The following KCNK2 variants were observed in gnomAD, a reference collection of about 807,000 sequenced individuals.
KCNK2 encodes potassium channel subfamily K member 2.
In KCNK2, 21 loss-of-function variants were observed where a neutral mutation model predicts 40.5. The ratio of observed to expected loss-of-function variants is 0.52; its 90% CI spans 0.37 to 0.75. The LOEUF (loss-of-function observed/expected upper bound fraction) is 0.75, where lower values mean the gene tolerates loss of function less well. KCNK2 is among the 30% of genes least tolerant of loss of function. The pLI, the probability that KCNK2 is intolerant of heterozygous loss-of-function variation, is 0.00. For missense variants in KCNK2, 399 were observed against 531.6 expected (o/e 0.75, Z 2.45); for synonymous variants, 191 against 202.2 (o/e 0.94, Z 0.47).
At chr1:215,233,413 C>G (rs1666751976) in intron 6 of KCNK2, among the ~76,000 whole-genome samples, 1 of 151,440 alleles carries the variant, frequency 6.6e-6, no homozygotes, top group South Asian at 2.1e-4. Flanking sequence ...ATCCTCCTAT[C>G]CACCTTGGAT....
chr1:215,232,304 G>C (rs1435991484), intron 6 of KCNK2, among the ~76,000 whole-genome samples: 1 of 152,028 alleles, frequency 6.6e-6, no homozygotes, highest in South Asian at 2.1e-4. Flanking sequence ...CATGATAAAA[G>C]GACTAAAATT....
At chr1:215,070,521 G>A (rs752958543) in intron 1 of KCNK2, among the ~76,000 whole-genome samples, 6 of 151,920 alleles carry the variant, frequency 3.9e-5, no homozygotes, top group Non-Finnish European at 5.9e-5. Flanking sequence ...GGTAAATGAG[G>A]AGAAAAGGCA....
chr1:215,017,950 T>A (rs1656650086), intron 1 of KCNK2, among the ~76,000 whole-genome samples: 1 of 152,050 alleles, frequency 6.6e-6, no homozygotes, highest in Non-Finnish European at 1.5e-5. Context: ...TGATAAAGAA[T>A]GAAAAAATAA....
At chr1:215,048,786 G>C (rs923109030) in intron 1 of KCNK2, among the ~76,000 whole-genome samples, 2 of 152,100 alleles carry the variant, frequency 1.3e-5, no homozygotes, top group Admixed American at 6.6e-5. Context: ...CGTCAGCCTG[G>C]GAGAATTCAT....
At chr1:215,121,971 A>C (rs556046895) in intron 2 of KCNK2, among the ~76,000 whole-genome samples, 21 of 152,340 alleles carry the variant, frequency 1.4e-4, no homozygotes, top group African/African-American at 4.3e-4. Flanking sequence ...TGATATCTTC[A>C]TTAATTTTTG....
chr1:215,215,707 C>A (rs746165268), intron 6 of KCNK2, among the ~76,000 whole-genome samples: 20 of 152,162 alleles, frequency 1.3e-4, no homozygotes, highest in Non-Finnish European at 1.0e-4. Flanking sequence ...TTTCCTTTCA[C>A]AATGGAAGAG....
intron 2 of KCNK2, among the ~76,000 whole-genome samples, chr1:215,100,404 G>A (rs1190024946): frequency 6.6e-6 from 1 of 151,932 alleles, no homozygotes; most frequent in Non-Finnish European, 1.5e-5. Context: ...TAGCCATAGA[G>A]AGGCTTACAA....
rs191545045 is a variant in KCNK2, at chr1:215,084,680, T to C, written c.46+1249T>C. Among the ~76,000 whole-genome samples, 8 of 152,338 alleles carry C rather than the reference T, an allele frequency of 5.3e-5. No individual in the cohort carries two copies. The East Asian group carries it at 1.5e-3, about 29-fold the overall frequency. On this transcript the variant is annotated intron_variant, in intron 1 of 6. Coordinates refer to ENST00000444842, the MANE Select transcript of KCNK2 (RefSeq NM_001017425.3). ...TCTTTATAAATATTTTAAAGGTATC[T>C]ACTAGCTTGTGGCTTTATTTGGAAC...
In KCNK2 at chr1:215,123,917, T is replaced by C. The variant is rs534902518; in HGVS notation, c.358-716T>C. On this transcript the variant is annotated intron_variant, in intron 2 of 6. Transcript: ENST00000444842. ...TTGAAGAAGGGATTATAATGTCATC[T>C]TTCTGTCTTTCTCTTAGTACTACTC... Among the ~76,000 whole-genome samples, 24 of 152,326 alleles carry C rather than the reference T, an allele frequency of 1.6e-4. No homozygotes were observed. In the South Asian group the frequency reaches 4.6e-3, roughly 29 times the overall value.
At chr1:215,215,699 T>G (rs1665933136) in intron 6 of KCNK2, among the ~76,000 whole-genome samples, 1 of 152,190 alleles carries the variant, frequency 6.6e-6, no homozygotes, top group African/African-American at 2.4e-5. Context: ...CTCTTTGATT[T>G]CCTTTCACAA....
At position 215,221,157 on chromosome 1, in the gene KCNK2, T is replaced by G. The variant is rs935448058; in HGVS notation, c.964-13671T>G. Reference sequence around the variant, plus strand: ...GGCCAAGGCCAAGGTGGGTGGATCATGAGGTCAGGAGTTTGAGACCAGCCT... The same window carrying G: ...GGCCAAGGCCAAGGTGGGTGGATCAGGAGGTCAGGAGTTTGAGACCAGCCT... On this transcript the variant is annotated intron_variant, in intron 6 of 6. Coordinates refer to ENST00000444842, the MANE Select transcript of KCNK2 (RefSeq NM_001017425.3). Among the ~76,000 whole-genome samples, 9 of 152,334 alleles carry G rather than the reference T, an allele frequency of 5.9e-5. No homozygotes were observed. In the South Asian group the frequency reaches 1.9e-3, roughly 32 times the overall value.
chr1:215,181,875 A>G (rs1330449750), intron 5 of KCNK2, among the ~76,000 whole-genome samples: 1 of 152,192 alleles, frequency 6.6e-6, no homozygotes, highest in Non-Finnish European at 1.5e-5. Flanking sequence ...CACGATAGGC[A>G]GGGCTGGGCT....
chr1:215,166,843 G>A (rs537926640), intron 3 of KCNK2, among the ~76,000 whole-genome samples: 7 of 152,068 alleles, frequency 4.6e-5, no homozygotes, highest in East Asian at 3.9e-4. Flanking sequence ...TCAACTACTC[G>A]TAGAAATTGT....
Position 215,148,080 on chromosome 1 carries a change from C to CTTTCTTTTTT in KCNK2, c.476-21116_476-21115insCTTTTTTTTT, listed in dbSNP as rs1553267720. Among the ~76,000 whole-genome samples, 304 of 111,128 alleles carry CTTTCTTTTTT rather than the reference C, an allele frequency of 2.7e-3. 23 individuals are homozygous for CTTTCTTTTTT. Among genetic ancestry groups the CTTTCTTTTTT allele is most frequent in the Non-Finnish European group, 3.2e-3 (184 of 57,664 alleles). The allele number at this position is 111,128 out of a possible 152,430, so 72.9% of individuals were successfully genotyped here. ...ATTATTATTTTTTTATTTTCTTTTC[C>CTTTCTTTTTT]TTTTTTTTTTTTTTTTTTGGCAGGG... On this transcript the variant is annotated intron_variant, in intron 3 of 6. Coordinates refer to ENST00000444842, the MANE Select transcript of KCNK2 (RefSeq NM_001017425.3).
chr1:215,200,542 CTTTAGGGAG>C (rs1558135805), intron 6 of KCNK2, among the ~76,000 whole-genome samples: 5 of 152,074 alleles, frequency 3.3e-5, no homozygotes, highest in Non-Finnish European at 5.9e-5. Context: ...ATTCAGAAAA[CTTTAGGGAG>C]CCATTGAAGG....
intron 1 of KCNK2, among the ~76,000 whole-genome samples, chr1:215,069,992 T>C (rs986246531): frequency 6.6e-6 from 1 of 152,258 alleles, no homozygotes; most frequent in South Asian, 2.1e-4. Context: ...TTACACCCAT[T>C]CAAAAAATAT....
intron 2 of KCNK2, among the ~76,000 whole-genome samples, chr1:215,088,201 G>C (rs1486729207): frequency 6.6e-6 from 1 of 151,966 alleles, no homozygotes; most frequent in South Asian, 2.1e-4. Flanking sequence ...CACTTCCCTC[G>C]GTTTCTGAAG....
chr1:215,076,685 A>G (rs985585355), intron 1 of KCNK2, among the ~76,000 whole-genome samples: 3 of 152,152 alleles, frequency 2.0e-5, no homozygotes, highest in Non-Finnish European at 2.9e-5. Flanking sequence ...GCCATATTCT[A>G]TTTATCAGAA....
At chr1:215,101,043 G>T (rs1419458519) in intron 2 of KCNK2, among the ~76,000 whole-genome samples, 1 of 136,190 alleles carries the variant, frequency 7.3e-6, no homozygotes, top group East Asian at 2.2e-4. Context: ...AAGATAGTTG[G>T]TGTGATGATC....
Sources: gnomAD v4.1 joint callset for allele counts (sites outside exome capture counted in the v4.1 genomes callset) on GRCh38, gnomAD v4.1.1 for gene constraint, MANE v1.5 for transcripts, NCBI Gene and HGNC (gene_info 2026-07-23, HGNC 2026-07-21) for gene names.